ADARB2: variants seen among roughly 807,000 people sequenced by gnomAD.
ADARB2 encodes adenosine deaminase RNA specific B2 (inactive), also known as inactive double-stranded RNA-specific editase B2.
In ADARB2, 25 loss-of-function variants were observed where a neutral mutation model predicts 62.2. The ratio of observed to expected loss-of-function variants is 0.40; its 90% CI spans 0.29 to 0.56. The LOEUF (loss-of-function observed/expected upper bound fraction) is 0.56. Among genes scored for constraint, ADARB2 ranks in the 20% least tolerant of loss-of-function variants. The probability of loss-of-function intolerance (pLI) is 0.43; values close to 1 mark genes in which losing one functional copy is unlikely to be tolerated. For synonymous variants in ADARB2, 572 were observed against 500.8 expected, an observed-to-expected ratio of 1.14 and a Z score of -1.90; for missense variants, 1,071 against 1,077.4, an observed-to-expected ratio of 0.99 and a Z score of 0.08.
chr10:1,217,221 C>T, intron 6 of ADARB2, 102 bp from the exon 7 acceptor site: 2 of 1,209,414 alleles, frequency 1.7e-6, no homozygotes, highest in South Asian at 1.6e-5. Context: ...AAGGGCCCCT[C>T]ACCATGGCTG....
At chr10:1,647,226 T>C (rs1439966185) in intron 1 of ADARB2, among the ~76,000 whole-genome samples, 1 of 152,202 alleles carries the variant, frequency 6.6e-6, no homozygotes, top group Non-Finnish European at 1.5e-5. Context: ...TGCTTTAGAG[T>C]TCTTTGTAGA....
chr10:1,509,855 C>T (rs1038623591), intron 1 of ADARB2, among the ~76,000 whole-genome samples: 1 of 152,212 alleles, frequency 6.6e-6, no homozygotes, highest in Non-Finnish European at 1.5e-5. Flanking sequence ...AAAGCCATGT[C>T]TGTGGTACAA....
intron 1 of ADARB2, among the ~76,000 whole-genome samples, chr10:1,617,676 A>G (rs1833659735): frequency 6.8e-6 from 1 of 147,316 alleles, no homozygotes; most frequent in East Asian, 2.0e-4. Context: ...GTCCAGACAC[A>G]CTCCACACCG....
Position 1,684,730 on chromosome 10 carries a change from T to C in ADARB2, c.100+52321A>G, listed in dbSNP as rs571119513. On this transcript the variant is annotated intron_variant, in intron 1 of 9. Coordinates refer to ENST00000381312, the MANE Select transcript of ADARB2 (RefSeq NM_018702.4). The stretch of plus-strand genomic sequence containing the variant: ...AATGGTGCTGAGACAGGTCAGGTTC[T>C]GGCAAACGGGAAAAGCTGATTTCAC... Among the ~76,000 whole-genome samples the C allele has an allele frequency of 3.3e-5, 5 of 152,370 alleles. No individual in the cohort carries two copies. In the East Asian group the frequency reaches 9.6e-4, roughly 29 times the overall value.
At chr10:1,588,383 G>T (rs1833207500) in intron 1 of ADARB2, among the ~76,000 whole-genome samples, 1 of 152,164 alleles carries the variant, frequency 6.6e-6, no homozygotes, top group African/African-American at 2.4e-5. Context: ...CCCTTCCTTG[G>T]GTTTTTGGAG....
intron 1 of ADARB2, among the ~76,000 whole-genome samples, chr10:1,396,867 C>G (rs544150244): frequency 2.0e-4 from 24 of 122,920 alleles, no homozygotes; most frequent in African/African-American, 7.6e-4. Flanking sequence ...AGCCTCTCCC[C>G]TCCCGAGTGC....
At chr10:1,377,002 G>A (rs973793363) in intron 2 of ADARB2, among the ~76,000 whole-genome samples, 1 of 144,212 alleles carries the variant, frequency 6.9e-6, no homozygotes, top group Non-Finnish European at 1.5e-5. Context: ...GCGTCCCTGG[G>A]GTGTGTGTGT....
At chr10:1,718,366 T>TA (rs1835047677) in intron 1 of ADARB2, among the ~76,000 whole-genome samples, 1 of 152,194 alleles carries the variant, frequency 6.6e-6, no homozygotes, top group Non-Finnish European at 1.5e-5. Flanking sequence ...CTTCTGCTGG[T>TA]AGGGAGGCTG....
At chr10:1,603,046 A>T (rs1470091525) in intron 1 of ADARB2, among the ~76,000 whole-genome samples, 7 of 151,576 alleles carry the variant, frequency 4.6e-5, no homozygotes, top group Non-Finnish European at 5.9e-5. Flanking sequence ...ACACACACGC[A>T]CACACACCTA....
intron 4 of ADARB2, among the ~76,000 whole-genome samples, chr10:1,256,962 A>G (rs1831085640): frequency 6.6e-6 from 1 of 152,196 alleles, no homozygotes; most frequent in African/African-American, 2.4e-5. Context: ...AGAAATAATG[A>G]GAGCATGAAG....
At chr10:1,260,621 A>G (rs1831126932) in intron 4 of ADARB2, among the ~76,000 whole-genome samples, 2 of 152,022 alleles carry the variant, frequency 1.3e-5, no homozygotes, top group Non-Finnish European at 2.9e-5. Flanking sequence ...CTTCAAGGAG[A>G]AATACAAACC....
chr10:1,607,570 C>T (rs1833509874), intron 1 of ADARB2, among the ~76,000 whole-genome samples: 1 of 152,062 alleles, frequency 6.6e-6, no homozygotes, highest in Non-Finnish European at 1.5e-5. Flanking sequence ...TATTCACCTG[C>T]AGACATGGAG....
At chr10:1,284,471 C>T (rs12784047) in intron 3 of ADARB2, among the ~76,000 whole-genome samples, 38,734 of 152,132 alleles carry the variant, frequency 0.25, 6,197 homozygotes, top group South Asian at 0.53. Context: ...CTGTTACTAC[C>T]GATGGCTGCC....
At chr10:1,516,466 C>T (rs1832010213) in intron 1 of ADARB2, among the ~76,000 whole-genome samples, 2 of 152,044 alleles carry the variant, frequency 1.3e-5, no homozygotes, top group Admixed American at 1.3e-4. Context: ...TTCACCTGTG[C>T]GGGCTTTGTG....
At chr10:1,220,004 T>C (rs1282480176) in intron 6 of ADARB2, among the ~76,000 whole-genome samples, 2 of 137,316 alleles carry the variant, frequency 1.5e-5, no homozygotes, top group Non-Finnish European at 3.1e-5. Context: ...GTGATGATGA[T>C]GGTAATGGTG....
intron 8 of ADARB2, among the ~76,000 whole-genome samples, chr10:1,198,863 G>C (rs1447788277): frequency 1.3e-5 from 2 of 152,260 alleles, no homozygotes; most frequent in Admixed American, 1.3e-4. Context: ...CCAGTGCCCA[G>C]GGAGGGCAAA....
chr10:1,206,653 G>A (rs531737174), intron 7 of ADARB2, among the ~76,000 whole-genome samples: 3 of 152,292 alleles, frequency 2.0e-5, no homozygotes, highest in East Asian at 3.9e-4. Context: ...TGAAGATGGC[G>A]CCCATGAGAT....
chr10:1,233,762 T>C lies in ADARB2; in HGVS notation c.1445A>G (p.His482Arg). 1 of 1,613,914 alleles carries C rather than the reference T, an allele frequency of 6.2e-7. No homozygotes were observed. The highest frequency in any genetic ancestry group is 8.5e-7 in the Non-Finnish European group (1 of 1,179,968). ...ACAGGGGGAGGTGCTCACGTAGAGA[T>C]GGAAGAGGATGTTCTCTCGCAGCCG... is the stretch of plus-strand genomic sequence containing the variant. ...GYRLRENILF[H>R]LYVSTSPCGD... The change falls in exon 6 of 10, where the codon CAT becomes CGT. Residue 482 changes from histidine to arginine, a missense_variant. Physicochemically the swap from His to Arg is conservative, Grantham distance 29. Coordinates refer to ENST00000381312, the MANE Select transcript of ADARB2 (RefSeq NM_018702.4).
chr10:1,448,986 G>A (rs1316910315), intron 1 of ADARB2, among the ~76,000 whole-genome samples: 1 of 152,128 alleles, frequency 6.6e-6, no homozygotes, highest in African/African-American at 2.4e-5. Flanking sequence ...GCCTGATCCT[G>A]CCCATACACT....
Sources: allele counts gnomAD v4.1 joint callset (sites outside exome capture counted in the v4.1 genomes callset), GRCh38; gene constraint gnomAD v4.1.1; transcripts MANE v1.5; gene names NCBI Gene and HGNC (gene_info 2026-07-23, HGNC 2026-07-21).